The following GALNT13 variants were observed in gnomAD, a reference collection of about 807,000 sequenced individuals.
GALNT13 encodes the protein UDP-GalNAc:polypeptide N-acetylgalactosaminyltransferase 13.
Under a neutral mutation model 64.2 loss-of-function variants are expected in GALNT13, and 28 were observed. The observed-to-expected ratio is 0.44, with a 90% CI of 0.32 to 0.60. The LOEUF is 0.60. GALNT13 is among the 20% of genes least tolerant of loss of function. The pLI is 0.05. For missense variants in GALNT13, 577 were observed against 669.8 expected (o/e 0.86, Z 1.53); for synonymous variants, 214 against 224.6 (o/e 0.95, Z 0.42).
At chr2:153,851,541 GA>G in the GALNT13 span, among the ~76,000 whole-genome samples, 30,277 of 138,036 alleles carry the variant, frequency 0.22, 3,297 homozygotes, top group Non-Finnish European at 0.26. Flanking sequence ...GTGTTTCCAA[GA>G]AAAAAAAAAA....
the GALNT13 span, among the ~76,000 whole-genome samples, chr2:153,262,265 G>T: frequency 6.6e-6 from 1 of 152,172 alleles, no homozygotes; most frequent in Admixed American, 6.5e-5. Context: ...ACAAAGGCAG[G>T]TGCTAAATTC....
At chr2:153,817,997 T>C in the GALNT13 span, among the ~76,000 whole-genome samples, 1 of 152,016 alleles carries the variant, frequency 6.6e-6, no homozygotes, top group African/African-American at 2.4e-5. Flanking sequence ...TTCAGGTGTA[T>C]CATCTAAGAG....
At chr2:154,123,877 A>G (rs2105524337) in intron 3 of GALNT13, among the ~76,000 whole-genome samples, 1 of 152,204 alleles carries the variant, frequency 6.6e-6, no homozygotes, top group South Asian at 2.1e-4. Flanking sequence ...TGGGCTTCAC[A>G]CAGAAGGAGC....
the GALNT13 span, among the ~76,000 whole-genome samples, chr2:153,578,369 G>A: frequency 6.6e-6 from 1 of 152,102 alleles, no homozygotes; most frequent in Non-Finnish European, 1.5e-5. Context: ...TTAGTAAAAA[G>A]CCAATGTAAT....
chr2:154,207,516 G>A (rs1247096839), intron 4 of GALNT13, among the ~76,000 whole-genome samples: 1 of 152,106 alleles, frequency 6.6e-6, no homozygotes, highest in Non-Finnish European at 1.5e-5. Context: ...CATTGTAGGA[G>A]GAGTGAGTTA....
At position 153,884,666 on chromosome 2, in the gene GALNT13, C is replaced by A. The variant is rs570399584; in HGVS notation, c.-177+12363C>A. The stretch of plus-strand genomic sequence containing the variant: ...AAGCAACAGGTGCTGGGTTTGTAAT[C>A]CCAGCACTTTTGGAGGCTGAGGTGG... On this transcript the variant is annotated intron_variant, in intron 1 of 12. Transcript: ENST00000392825. Among the ~76,000 whole-genome samples the A allele has an allele frequency of 2.0e-4, 30 of 150,738 alleles. No individual in the cohort carries two copies. In the South Asian group the frequency reaches 5.3e-3, roughly 27 times the overall value.
At chr2:153,725,548 T>C in the GALNT13 span, among the ~76,000 whole-genome samples, 2 of 151,706 alleles carry the variant, frequency 1.3e-5, no homozygotes, top group African/African-American at 2.4e-5. Context: ...TCCAAAATAA[T>C]ATAAAATAAT....
At position 154,312,756 on chromosome 2, in the gene GALNT13, CT is replaced by C. The variant is rs1694116009; in HGVS notation, c.1156+11169del. On this transcript the variant is annotated intron_variant, in intron 9 of 12. Transcript: ENST00000392825. ...TGAGTTGAACAAAATTGATGTTTTG[CT>C]TGTTTGTTTGATTTTTAGTAAAGTC... 1.3e-5 allele frequency among the ~76,000 whole-genome samples: 2 copies of C among 151,960 alleles called. 1 individual carries two copies. The highest frequency in any genetic ancestry group is 4.1e-4 in the South Asian group (2 of 4,822).
chr2:154,258,819 AC>A (rs1690529974), intron 7 of GALNT13, among the ~76,000 whole-genome samples: 1 of 151,806 alleles, frequency 6.6e-6, no homozygotes, highest in Non-Finnish European at 1.5e-5. Flanking sequence ...AAAAAAAAAA[AC>A]AAAAACTAAT....
intron 8 of GALNT13, among the ~76,000 whole-genome samples, chr2:154,263,873 T>A (rs756098058): frequency 7.9e-5 from 12 of 152,030 alleles, no homozygotes; most frequent in Non-Finnish European, 1.6e-4. Context: ...CAAAAATACA[T>A]GAAATAACAC....
At chr2:153,415,536 G>A in the GALNT13 span, among the ~76,000 whole-genome samples, 1 of 152,104 alleles carries the variant, frequency 6.6e-6, no homozygotes, top group East Asian at 1.9e-4. Flanking sequence ...AAAAGTATGA[G>A]TACATGGTCA....
upstream of GALNT13, among the ~76,000 whole-genome samples, chr2:153,871,465 G>A (rs1685928450): frequency 6.6e-6 from 1 of 152,232 alleles, no homozygotes; most frequent in South Asian, 2.1e-4. Context: ...CCGACGGCAA[G>A]GGTGGGGTTG....
the GALNT13 span, among the ~76,000 whole-genome samples, chr2:153,646,646 T>A: frequency 6.6e-6 from 1 of 152,042 alleles, no homozygotes; most frequent in Non-Finnish European, 1.5e-5. Flanking sequence ...CGGTGTGCGA[T>A]GTTCCCCTTC....
intron 3 of GALNT13, among the ~76,000 whole-genome samples, chr2:154,136,046 A>G (rs1682931629): frequency 6.6e-6 from 1 of 152,174 alleles, no homozygotes; most frequent in South Asian, 2.1e-4. Context: ...TTTTAGGGAA[A>G]CTGATTTATT....
At chr2:154,273,199 G>A (rs1691448879) in intron 8 of GALNT13, among the ~76,000 whole-genome samples, 1 of 152,112 alleles carries the variant, frequency 6.6e-6, no homozygotes, top group South Asian at 2.1e-4. Context: ...TGACAGAGGT[G>A]GAGGATGAAG....
the GALNT13 span, among the ~76,000 whole-genome samples, chr2:153,296,983 A>C: frequency 2.0e-5 from 3 of 152,196 alleles, no homozygotes; most frequent in Non-Finnish European, 4.4e-5. Context: ...AATTAATCTT[A>C]AAGCACACAT....
the GALNT13 span, among the ~76,000 whole-genome samples, chr2:153,545,253 G>C: frequency 6.6e-6 from 1 of 152,092 alleles, no homozygotes; most frequent in African/African-American, 2.4e-5. Context: ...TTCTTCTCAA[G>C]GTTCAAGATA....
chr2:153,419,745 T>G, the GALNT13 span, among the ~76,000 whole-genome samples: 1 of 152,342 alleles, frequency 6.6e-6, no homozygotes, highest in Admixed American at 6.5e-5. Flanking sequence ...TCATTGTCAA[T>G]TTCTGGTTGT....
At chr2:153,338,764 A>C in the GALNT13 span, among the ~76,000 whole-genome samples, 2 of 152,218 alleles carry the variant, frequency 1.3e-5, no homozygotes, top group African/African-American at 2.4e-5. Flanking sequence ...CCTTTGACCA[A>C]CATCTCCTTA....
Sources: allele counts gnomAD v4.1 joint callset (sites outside exome capture counted in the v4.1 genomes callset), GRCh38; gene constraint gnomAD v4.1.1; transcripts MANE v1.5; gene names NCBI Gene and HGNC (gene_info 2026-07-23, HGNC 2026-07-21).